Variants in SLC24A2 observed in about 807,000 individuals in gnomAD.
The protein encoded by SLC24A2 is solute carrier family 24 member 2.
A neutral mutation model predicts 62.0 loss-of-function variants in SLC24A2; 36 were observed. The ratio of observed to expected loss-of-function variants is 0.58; its 90% CI spans 0.44 to 0.77. The LOEUF (loss-of-function observed/expected upper bound fraction) is 0.77. Among genes scored for constraint, SLC24A2 ranks in the 30% least tolerant of loss-of-function variants. SLC24A2 has a pLI of 0.00. For missense variants in SLC24A2, 846 were observed against 817.9 expected (o/e 1.03, Z -0.42); for synonymous variants, 358 against 294.0 (o/e 1.22, Z -2.23).
chr9:19,825,034 G>C, the SLC24A2 span, among the ~76,000 whole-genome samples: 1 of 152,100 alleles, frequency 6.6e-6, no homozygotes, highest in Non-Finnish European at 1.5e-5. Context: ...TGGGGACAAA[G>C]GGAAGTGAAG....
chr9:20,110,428 A>G, the SLC24A2 span, among the ~76,000 whole-genome samples: 2 of 151,516 alleles, frequency 1.3e-5, no homozygotes, highest in East Asian at 2.0e-4. Context: ...AATCTCACCC[A>G]AAGTAGTCCA....
rs927374395 is a variant in SLC24A2 at position 19,788,143 on chromosome 9, C to T, written c.-154+742G>A. ...CACGCCACTTAAATACTGAGATTAG[C>T]TGGAGCTCAGGTTTTCAGAGCAAAG... On this transcript the variant is annotated intron_variant, in intron 1 of 10. Coordinates refer to ENST00000341998, the MANE Select transcript of SLC24A2 (RefSeq NM_020344.4). Among the ~76,000 whole-genome samples, 3 of 152,296 alleles carry T rather than the reference C, an allele frequency of 2.0e-5. No individual in the cohort carries two copies. The East Asian group carries it at 5.8e-4, about 29-fold the overall frequency.
the SLC24A2 span, among the ~76,000 whole-genome samples, chr9:20,068,057 CTT>C: frequency 0.015 from 1,350 of 89,684 alleles, 6 homozygotes; most frequent in African/African-American, 0.061. Flanking sequence ...TTTTTTGACT[CTT>C]TTTTTTTTTT....
chr9:20,163,650 C>G, the SLC24A2 span, among the ~76,000 whole-genome samples: 12 of 152,080 alleles, frequency 7.9e-5, no homozygotes, highest in African/African-American at 2.9e-4. Context: ...TCATATGGAA[C>G]CACAAAAGAG....
At chr9:19,674,567 T>A (rs960892492) in intron 2 of SLC24A2, among the ~76,000 whole-genome samples, 1 of 152,212 alleles carries the variant, frequency 6.6e-6, no homozygotes. Context: ...TTTTAAAAAA[T>A]TCTTTTTTCT....
At chr9:20,045,565 A>G in the SLC24A2 span, among the ~76,000 whole-genome samples, 1 of 151,918 alleles carries the variant, frequency 6.6e-6, no homozygotes, top group Non-Finnish European at 1.5e-5. Flanking sequence ...CTGAGTAGCT[A>G]GGATTACAGG....
At chr9:19,977,758 T>C in the SLC24A2 span, among the ~76,000 whole-genome samples, 1 of 152,110 alleles carries the variant, frequency 6.6e-6, no homozygotes, top group East Asian at 1.9e-4. Context: ...GAGGGGTGCA[T>C]TTGAAGGTAT....
chr9:19,916,622 G>T, the SLC24A2 span, among the ~76,000 whole-genome samples: 19 of 151,730 alleles, frequency 1.3e-4, no homozygotes, highest in African/African-American at 3.9e-4. Flanking sequence ...TTTTATATCT[G>T]CTTTTTTCCA....
At chr9:20,103,930 C>G in the SLC24A2 span, among the ~76,000 whole-genome samples, 1 of 151,974 alleles carries the variant, frequency 6.6e-6, no homozygotes, top group East Asian at 1.9e-4. Context: ...AAACCAAAGG[C>G]AAAGAAGTTA....
At chr9:19,897,867 C>T in the SLC24A2 span, among the ~76,000 whole-genome samples, 1 of 152,142 alleles carries the variant, frequency 6.6e-6, no homozygotes, top group African/African-American at 2.4e-5. Context: ...TTCCATTGTT[C>T]CAGGCTGCTT....
chr9:19,911,113 T>C, the SLC24A2 span, among the ~76,000 whole-genome samples: 1 of 130,664 alleles, frequency 7.7e-6, no homozygotes, highest in African/African-American at 2.9e-5. Flanking sequence ...TTCCCTTTCC[T>C]GTGTCCATGT....
chr9:20,139,880 T>A, the SLC24A2 span, among the ~76,000 whole-genome samples: 1 of 152,170 alleles, frequency 6.6e-6, no homozygotes. Context: ...GCACTTTGCA[T>A]TAACAGCTTC....
chr9:20,000,613 G>C, the SLC24A2 span, among the ~76,000 whole-genome samples: 7 of 152,160 alleles, frequency 4.6e-5, no homozygotes, highest in Non-Finnish European at 8.8e-5. Flanking sequence ...AGGAACTCAC[G>C]ACACATGGAT....
chr9:19,887,561 G>A, the SLC24A2 span, among the ~76,000 whole-genome samples: 13 of 152,262 alleles, frequency 8.5e-5, 1 homozygote, highest in South Asian at 2.7e-3. Flanking sequence ...ATAGATGTGG[G>A]TATGGATGCA....
chr9:19,822,085 G>A, the SLC24A2 span, among the ~76,000 whole-genome samples: 2 of 152,100 alleles, frequency 1.3e-5, no homozygotes, highest in Admixed American at 6.5e-5. Context: ...ACTAAGAAAA[G>A]CATCACCAGC....
intron 2 of SLC24A2, among the ~76,000 whole-genome samples, chr9:19,712,031 A>T (rs1030271106): frequency 1.3e-5 from 2 of 152,016 alleles, no homozygotes; most frequent in African/African-American, 4.8e-5. Context: ...AATGGAGGAC[A>T]GTTTTCTGTG....
rs145917060 is a variant in SLC24A2, at chr9:19,608,846, G to A, written c.1078+10738C>T. On this transcript the variant is annotated intron_variant, in intron 4 of 10. Coordinates refer to ENST00000341998, the MANE Select transcript of SLC24A2 (RefSeq NM_020344.4). Reference sequence around the variant, plus strand: ...CACTCGCACATACCTAGCACCCCTCGACAGGAGAGACTGCTAGAGCGTTAG... The same window carrying A: ...CACTCGCACATACCTAGCACCCCTCAACAGGAGAGACTGCTAGAGCGTTAG... Among the ~76,000 whole-genome samples the A allele has an allele frequency of 4.8e-3, 726 of 151,522 alleles. 3 individuals carry two copies. Among genetic ancestry groups the A allele is most frequent in the African/African-American group, 0.017 (687 of 41,176 alleles).
At chr9:19,533,612 G>C (rs928907397) in intron 8 of SLC24A2, among the ~76,000 whole-genome samples, 12 of 152,198 alleles carry the variant, frequency 7.9e-5, no homozygotes, top group Non-Finnish European at 5.9e-5. Flanking sequence ...AGAGTATGTG[G>C]AGCAGAGACA....
the SLC24A2 span, among the ~76,000 whole-genome samples, chr9:19,883,486 T>C: frequency 2.0e-5 from 3 of 152,164 alleles, no homozygotes; most frequent in African/African-American, 7.2e-5. Flanking sequence ...ACCTAATTTA[T>C]CTGCAAACCA....
Sources: gnomAD v4.1 joint callset for allele counts (sites outside exome capture counted in the v4.1 genomes callset) on GRCh38, gnomAD v4.1.1 for gene constraint, MANE v1.5 for transcripts, NCBI Gene and HGNC (gene_info 2026-07-23, HGNC 2026-07-21) for gene names.